Variants in MAP3K4 observed in about 807,000 individuals in gnomAD.
MAP3K4 encodes the protein MAP three kinase 1.
A neutral mutation model predicts 185.6 loss-of-function variants in MAP3K4; 67 were observed. The observed-to-expected ratio is 0.36, with a 90% CI of 0.30 to 0.44. The LOEUF (loss-of-function observed/expected upper bound fraction) is 0.44. Ranked by LOEUF, MAP3K4 falls within the 20% of genes least tolerant of loss-of-function variation. The probability of loss-of-function intolerance (pLI) is 1.00; values close to 1 mark genes in which losing one functional copy is unlikely to be tolerated. For missense variants in MAP3K4, 1,551 were observed against 1,995.1 expected (o/e 0.78, Z 4.24); for synonymous variants, 702 against 710.4 (o/e 0.99, Z 0.19).
At chr6:161,004,515 AC>A (rs773612507) in intron 1 of MAP3K4, among the ~76,000 whole-genome samples, 1 of 152,246 alleles carries the variant, frequency 6.6e-6, no homozygotes, top group Non-Finnish European at 1.5e-5. Context: ...AGGTGAAAGA[AC>A]AAATCTTTGT....
rs1173913942 is a variant in MAP3K4, at chr6:161,037,098, A to C, written c.343+2649A>C. Among the ~76,000 whole-genome samples the C allele has an allele frequency of 1.3e-5, 2 of 152,198 alleles. No homozygotes were observed. Among genetic ancestry groups the C allele is most frequent in the African/African-American group, 2.4e-5 (1 of 41,444 alleles). ...AGCTGGTGAACTATTTCTTGCGGAC[A>C]TTCTTGTTTATGAATACCAAGACAA... On this transcript the variant is annotated intron_variant, in intron 2 of 26. Transcript: ENST00000392142. The surrounding 1 kb of genome is among the most constrained non-coding windows in gnomAD (Gnocchi z 4.2).
chr6:161,057,847 C>A (rs1784312476), intron 3 of MAP3K4, among the ~76,000 whole-genome samples: 1 of 152,196 alleles, frequency 6.6e-6, no homozygotes, highest in Non-Finnish European at 1.5e-5. Context: ...TTTAGGTTTT[C>A]TGTTTTCTTA....
At position 161,085,145 on chromosome 6, in the gene MAP3K4, CAA is replaced by C. The variant is rs35026195; in HGVS notation, c.2372+541_2372+542del. Among the ~76,000 whole-genome samples the C allele has an allele frequency of 7.2e-4, 101 of 140,636 alleles. No individual in the cohort carries two copies. The East Asian group carries it at 0.011, about 15-fold the overall frequency. The allele number at this position is 140,636 out of a possible 152,430, so 92.3% of individuals were successfully genotyped here. A position where few individuals can be genotyped will look rare whatever the true frequency, so the allele number is the denominator to read the frequency against. On this transcript the variant is annotated intron_variant, in intron 7 of 26. Transcript: ENST00000392142. ...TGGGTGACAGAGCAAGACTCCGTCT[CAA>C]AAAAAAAAAAAACTAAAGATAAAGA...
chr6:160,994,940 C>T (rs1232973236), intron 1 of MAP3K4, among the ~76,000 whole-genome samples: 1 of 152,168 alleles, frequency 6.6e-6, no homozygotes, highest in Non-Finnish European at 1.5e-5. Flanking sequence ...ACCTCGTGAT[C>T]CGCCCATCTT....
chr6:161,100,286 C>T lies in MAP3K4; in HGVS notation c.3675-1606C>T, dbSNP rs1033929395. Among the ~76,000 whole-genome samples the T allele has an allele frequency of 4.6e-5, 7 of 152,190 alleles. No individual in the cohort carries two copies. Among genetic ancestry groups the T allele is most frequent in the Admixed American group, 2.0e-4 (3 of 15,284 alleles). On this transcript the variant is annotated intron_variant, in intron 17 of 26. Coordinates refer to ENST00000392142, the MANE Select transcript of MAP3K4 (RefSeq NM_005922.4). This position sits in a 1 kb window ranked among gnomAD's most constrained non-coding sequence, Gnocchi z 5.8. ...CAGCTGTGGGTTTGTGAATGTGCCA[C>T]GGGGAGGCAGAATGACACCAGTGTG...
At position 161,091,852 on chromosome 6, in the gene MAP3K4, CTG is replaced by C. The variant is rs1483110928; in HGVS notation, c.3136-156_3136-155del. ...ATTTATGAAACTGCATTTTGAAACA[CTG>C]TACTTTCCATAATTCTTCATACTAT... On this transcript the variant is annotated intron_variant, in intron 12 of 26. Coordinates refer to ENST00000392142, the MANE Select transcript of MAP3K4 (RefSeq NM_005922.4). This position sits in a 1 kb window ranked among gnomAD's most constrained non-coding sequence, Gnocchi z 5.5. Among the ~76,000 whole-genome samples, 2 of 152,290 alleles carry C rather than the reference CTG, an allele frequency of 1.3e-5. No individual in the cohort carries two copies. The highest frequency in any genetic ancestry group is 3.4e-3 in the Middle Eastern group (1 of 294).
In MAP3K4 at chr6:161,088,003, G is replaced by C. The variant is rs751935476; in HGVS notation, c.2823+49G>C. 1 of 1,563,402 alleles carries C rather than the reference G, an allele frequency of 6.4e-7. No individual in the cohort carries two copies. Among genetic ancestry groups the C allele is most frequent in the Non-Finnish European group, 8.6e-7 (1 of 1,157,660 alleles). On this transcript the variant is annotated intron_variant, in intron 10 of 26. Coordinates refer to ENST00000392142, the MANE Select transcript of MAP3K4 (RefSeq NM_005922.4). This position sits in a 1 kb window ranked among gnomAD's most constrained non-coding sequence, Gnocchi z 4.5. ...AGCAGTGTTACTTCAAGGACTTTTA[G>C]TAAGAATGAACTGTTAGCTGCTCAT...
chr6:161,094,902 A>G (rs1421749916), intron 15 of MAP3K4, among the ~76,000 whole-genome samples: 1 of 152,234 alleles, frequency 6.6e-6, no homozygotes, highest in Non-Finnish European at 1.5e-5. Flanking sequence ...TAATTCAGTA[A>G]GAATTACTTT....
At chr6:161,032,230 G>C (rs1404439675) in intron 1 of MAP3K4, among the ~76,000 whole-genome samples, 1 of 152,180 alleles carries the variant, frequency 6.6e-6, no homozygotes, top group Non-Finnish European at 1.5e-5. Context: ...TGTTTCAGAT[G>C]TTAAAAGTGC....
intron 1 of MAP3K4, among the ~76,000 whole-genome samples, chr6:161,021,484 T>C (rs1245593526): frequency 6.6e-6 from 1 of 152,234 alleles, no homozygotes; most frequent in Non-Finnish European, 1.5e-5. Flanking sequence ...GCCTCCTTTT[T>C]CTGTGCAATT....
In MAP3K4 at chr6:161,073,559, A is replaced by G. The variant is rs1397448028; in HGVS notation, c.2044A>G (p.Lys682Glu). The change falls in exon 5 of 27, where the codon AAG becomes GAG. Residue 682 changes from lysine to glutamate, a missense_variant. By Grantham distance (56) the Lys-to-Glu change is moderately conservative. This residue lies in a region of MAP3K4 where 130 missense variants were observed against 171.3 expected (regional missense o/e 0.76). Transcript: ENST00000392142. This position sits in a 1 kb window ranked among gnomAD's most constrained non-coding sequence, Gnocchi z 4.2. Reference protein sequence around the residue: ...MLQEVLEDLEKPDCNIDAFEE... With the variant: ...MLQEVLEDLEEPDCNIDAFEE... Reference sequence around the variant, plus strand: ...GCAGGAGGTTCTGGAGGACTTGGAGAAGCCCGACTGCAACATTGACGCTTT... The same window carrying G: ...GCAGGAGGTTCTGGAGGACTTGGAGGAGCCCGACTGCAACATTGACGCTTT... 1.2e-6 allele frequency: 2 copies of G among 1,613,924 alleles called. No homozygotes were observed. Among genetic ancestry groups the G allele is most frequent in the Non-Finnish European group, 1.7e-6 (2 of 1,179,970 alleles).
At chr6:161,089,516 T>A (rs202203866) in intron 11 of MAP3K4, 45 bp downstream of exon 11, 643 of 1,602,934 alleles carry the variant, frequency 4.0e-4, no homozygotes, top group Non-Finnish European at 5.0e-4. Context: ...TCCTTTTTGA[T>A]GAAAGTCAGT....
chr6:160,992,220 G>C, intron 1 of MAP3K4, 137 bp downstream of exon 1: 1 of 1,229,580 alleles, frequency 8.1e-7, no homozygotes, highest in Non-Finnish European at 1.1e-6. Context: ...GGGCGGGAGG[G>C]GCGCGGTGCA....
At chr6:161,044,364 C>G (rs573826702) in intron 2 of MAP3K4, among the ~76,000 whole-genome samples, 14 of 152,256 alleles carry the variant, frequency 9.2e-5, no homozygotes, top group African/African-American at 3.4e-4. Context: ...TTGTTAATTG[C>G]AAAGGAATTT....
intron 1 of MAP3K4, among the ~76,000 whole-genome samples, chr6:160,997,819 G>A (rs572318623): frequency 1.3e-5 from 2 of 152,254 alleles, no homozygotes; most frequent in East Asian, 3.9e-4. Flanking sequence ...ACTTGACCCA[G>A]TCCAGGCCAA....
At position 161,073,069 on chromosome 6, in the gene MAP3K4, T is replaced by C. The variant is rs962507840; in HGVS notation, c.1951-397T>C. 6.6e-6 allele frequency among the ~76,000 whole-genome samples: 1 copy of C among 152,210 alleles called. No individual in the cohort carries two copies. Among genetic ancestry groups the C allele is most frequent in the African/African-American group, 2.4e-5 (1 of 41,450 alleles). On this transcript the variant is annotated intron_variant, in intron 4 of 26. Coordinates refer to ENST00000392142, the MANE Select transcript of MAP3K4 (RefSeq NM_005922.4). This position sits in a 1 kb window ranked among gnomAD's most constrained non-coding sequence, Gnocchi z 4.2. ...GTGGTAAAAAGTACCTTTGAATCTT[T>C]ATTATGTTTTTGATCATTAGGAGGT...
rs140581305 is a variant in MAP3K4 at position 161,049,732 on chromosome 6, G to A, written c.1460G>A (p.Arg487Gln). The A allele has an allele frequency of 2.0e-5, 32 of 1,613,976 alleles. No individual in the cohort carries two copies. The highest frequency in any genetic ancestry group is 1.6e-4 in the Middle Eastern group (1 of 6,084). Reference sequence around the variant, plus strand: ...GATAACAGCTTCGACATCCAGTCGCGGGACTGCATATCCAAGAAGCTTGAG... The same window carrying A: ...GATAACAGCTTCGACATCCAGTCGCAGGACTGCATATCCAAGAAGCTTGAG... ...PIDNSFDIQS[R>Q]DCISKKLERL... The change falls in exon 3 of 27, where the codon CGG (arginine) becomes CAG (glutamine). Residue 487 changes from arginine to glutamine, a missense_variant. Arg to Gln is a conservative substitution (Grantham distance 43, BLOSUM62 1). Coordinates refer to ENST00000392142, the MANE Select transcript of MAP3K4 (RefSeq NM_005922.4). This position sits in a 1 kb window ranked among gnomAD's most constrained non-coding sequence, Gnocchi z 8.4.
At chr6:161,068,584 C>G (rs904299482) in intron 3 of MAP3K4, among the ~76,000 whole-genome samples, 1 of 152,134 alleles carries the variant, frequency 6.6e-6, no homozygotes, top group Non-Finnish European at 1.5e-5. Flanking sequence ...TAAGACAAGC[C>G]TTGGAACAAA....
In MAP3K4 at chr6:161,071,296, G is replaced by T. The variant is rs1784931139; in HGVS notation, c.1950+446G>T. ...AGTGACAGCTTATGATTTCTTCGTT[G>T]TTGTTCATTCTGGGTGGGATCTTAC... On this transcript the variant is annotated intron_variant, in intron 4 of 26. Coordinates refer to ENST00000392142, the MANE Select transcript of MAP3K4 (RefSeq NM_005922.4). The surrounding 1 kb of genome is among the most constrained non-coding windows in gnomAD (Gnocchi z 4.6). Among the ~76,000 whole-genome samples, 1 of 152,276 alleles carries T rather than the reference G, an allele frequency of 6.6e-6. No individual in the cohort carries two copies. The highest frequency in any genetic ancestry group is 3.4e-3 in the Middle Eastern group (1 of 294).
Sources: allele counts gnomAD v4.1 joint callset (sites outside exome capture counted in the v4.1 genomes callset), GRCh38; gene constraint gnomAD v4.1.1; regional missense constraint gnomAD v4.1.1; non-coding constraint Gnocchi (gnomAD v3.1); transcripts MANE v1.5; gene names NCBI Gene and HGNC (gene_info 2026-07-23, HGNC 2026-07-21).